The following MINDY4B variants were observed in gnomAD, a reference collection of about 807,000 sequenced individuals.
MINDY4B encodes inactive ubiquitin carboxyl-terminal hydrolase MINDY-4B.
MINDY4B carries 25 observed loss-of-function variants against 16.7 expected under a neutral mutation model. The ratio of observed to expected loss-of-function variants is 1.49; its 90% confidence interval spans 1.09 to 2.09. The LOEUF (loss-of-function observed/expected upper bound fraction) is 2.09. Among genes scored for constraint, MINDY4B ranks in the 30% most tolerant of loss-of-function variants. The probability of loss-of-function intolerance (pLI) is 0.00; values close to 1 mark genes in which losing one functional copy is unlikely to be tolerated. For synonymous variants in MINDY4B, 132 were observed against 61.9 expected (o/e 2.13, Z -5.32); for missense variants, 327 against 168.4 (o/e 1.94, Z -5.21).
chr3:150,890,900 G>T lies in MINDY4B; in HGVS notation c.687+38C>A. 3 of 696,900 alleles carry T rather than the reference G, an allele frequency of 4.3e-6. No individual in the cohort carries two copies. In the South Asian group the frequency reaches 4.5e-5, roughly 10 times the overall value. The allele number at this position is 696,900 out of a possible 1,614,324, so 43.2% of individuals were successfully genotyped here. ...GTCTATTACATGCTCAGGCTTCACTGGCCTTTCATCTGCCAGGACAGGGAG... is the reference window on the plus strand; with the variant it reads ...GTCTATTACATGCTCAGGCTTCACTTGCCTTTCATCTGCCAGGACAGGGAG... On this transcript the variant is annotated intron_variant, in intron 6 of 11. Transcript: ENST00000465419.
intron 8 of MINDY4B, among the ~76,000 whole-genome samples, chr3:150,884,052 T>C (rs1330683675): frequency 6.6e-6 from 1 of 152,198 alleles, no homozygotes; most frequent in Non-Finnish European, 1.5e-5. Flanking sequence ...CTGGACTCAG[T>C]AGAGAAGCTC....
intron 10 of MINDY4B, among the ~76,000 whole-genome samples, chr3:150,881,965 G>A (rs1019537716): frequency 8.5e-5 from 13 of 152,180 alleles, no homozygotes; most frequent in African/African-American, 1.2e-4. Context: ...CATGAAAGGC[G>A]TTTTGAGTGG....
chr3:150,897,855 C>T (rs1712018105), intron 3 of MINDY4B, among the ~76,000 whole-genome samples: 1 of 152,180 alleles, frequency 6.6e-6, no homozygotes, highest in South Asian at 2.1e-4. Flanking sequence ...TTGGTGTGTG[C>T]TATGGTCAAA....
At chr3:150,875,846 TA>T (rs1259572031) in intron 10 of MINDY4B, among the ~76,000 whole-genome samples, 1 of 152,186 alleles carries the variant, frequency 6.6e-6, no homozygotes, top group African/African-American at 2.4e-5. Context: ...ACATCTGGTT[TA>T]AAGTGAGTCC....
chr3:150,882,881 A>C lies in MINDY4B; in HGVS notation c.1059+16T>G, dbSNP rs1300939057. The C allele has an allele frequency of 4.3e-6, 3 of 695,516 alleles. No individual in the cohort carries two copies. The African/African-American group carries it at 5.3e-5, about 12-fold the overall frequency. The allele number at this position is 695,516 out of a possible 1,614,324, so 43.1% of individuals were successfully genotyped here. On this transcript the variant is annotated intron_variant, in intron 10 of 11. Coordinates refer to ENST00000465419, the MANE Select transcript of MINDY4B (RefSeq NM_001351281.2). ...TGACATTCTGGTTGTGTGGTTGAGG[A>C]CTGGAACACACTCACCTGTGAGAGT...
intron 11 of MINDY4B, among the ~76,000 whole-genome samples, chr3:150,872,949 T>C (rs1717003675): frequency 6.6e-6 from 1 of 152,218 alleles, no homozygotes; most frequent in African/African-American, 2.4e-5. Context: ...CTGAAAGTTA[T>C]TGGTTCTTCT....
intron 8 of MINDY4B, among the ~76,000 whole-genome samples, chr3:150,884,538 G>A (rs1370166542): frequency 1.3e-5 from 2 of 152,140 alleles, no homozygotes; most frequent in African/African-American, 4.8e-5. Context: ...TTTATCTTTA[G>A]CGTGGTACAT....
intron 10 of MINDY4B, among the ~76,000 whole-genome samples, chr3:150,880,019 C>A (rs1367496749): frequency 6.6e-6 from 1 of 152,216 alleles, no homozygotes; most frequent in African/African-American, 2.4e-5. Context: ...ATTATAAAGT[C>A]TTATATGTCT....
Position 150,905,358 on chromosome 3 carries a change from C to G in MINDY4B, c.82G>C (p.Asp28His). Reference sequence around the variant, plus strand: ...TAACTAAAGATTTCCCTCCATTTGTCAAGGAATGAAATTTTCCTTGAGATC... The same window carrying G: ...TAACTAAAGATTTCCCTCCATTTGTGAAGGAATGAAATTTTCCTTGAGATC... ...EEISRKISFL[D>H]KWREIFSYHR... is the part of the protein sequence containing the mutation. Residue 28 changes from aspartate (D) to histidine (H), a missense_variant, in exon 1 of 12, where the codon GAC (aspartate) becomes CAC (histidine). Physicochemically the swap from Asp to His is moderately conservative, Grantham distance 81 (BLOSUM62 -1). Transcript: ENST00000465419. The G allele has an allele frequency of 2.5e-6, 1 of 398,500 alleles. No homozygotes were observed. The highest frequency in any genetic ancestry group is 4.4e-6 in the Non-Finnish European group (1 of 225,998). 24.7% of individuals were successfully genotyped at this position (398,500 alleles called of 1,614,324 possible).
At chr3:150,886,838 C>T (rs1280705081) in intron 7 of MINDY4B, among the ~76,000 whole-genome samples, 2 of 152,134 alleles carry the variant, frequency 1.3e-5, no homozygotes, top group Non-Finnish European at 2.9e-5. Flanking sequence ...AGGATAATGT[C>T]CCCCACCCAC....
At chr3:150,871,271 G>C in intron 11 of MINDY4B, 84 bp from the exon 12 acceptor site, 2 of 646,910 alleles carry the variant, frequency 3.1e-6, no homozygotes, top group Non-Finnish European at 5.6e-6. Flanking sequence ...AGAAGGGTGG[G>C]TGGGCAGGAG....
At chr3:150,886,986 T>C (rs1172380724) in intron 7 of MINDY4B, among the ~76,000 whole-genome samples, 1 of 152,230 alleles carries the variant, frequency 6.6e-6, no homozygotes, top group African/African-American at 2.4e-5. Context: ...AAATCCTGTA[T>C]ATATGATGTT....
At chr3:150,889,934 C>T (rs1042218630) in intron 7 of MINDY4B, among the ~76,000 whole-genome samples, 1 of 152,144 alleles carries the variant, frequency 6.6e-6, no homozygotes, top group Non-Finnish European at 1.5e-5. Flanking sequence ...TACTTGGAGT[C>T]AATGTGAATG....
chr3:150,886,334 AT>A (rs1407954587), intron 7 of MINDY4B, among the ~76,000 whole-genome samples: 2 of 152,132 alleles, frequency 1.3e-5, no homozygotes, highest in Admixed American at 6.5e-5. Flanking sequence ...CCCTTTATGG[AT>A]TAATGTATCC....
intron 10 of MINDY4B, among the ~76,000 whole-genome samples, chr3:150,873,850 A>T (rs1409386100): frequency 6.6e-6 from 1 of 152,118 alleles, no homozygotes; most frequent in African/African-American, 2.4e-5. Flanking sequence ...TATTTAAGAT[A>T]TATAAAATAG....
In MINDY4B at chr3:150,891,052, A is replaced by G; in HGVS notation, c.573T>C (p.Leu191=). 1.4e-6 allele frequency: 1 copy of G among 702,848 alleles called. No homozygotes were observed. Among genetic ancestry groups the G allele is most frequent in the Non-Finnish European group, 2.6e-6 (1 of 384,834 alleles). The allele number at this position is 702,848 out of a possible 1,614,324, so 43.5% of individuals were successfully genotyped here. A position where few individuals can be genotyped will look rare whatever the true frequency, so the allele number is the denominator to read the frequency against. Residue 191 remains leucine (L), a synonymous_variant, in exon 6 of 12, where the codon CTT becomes CTC. Transcript: ENST00000465419. ...KEQEQALAAA[L]AGILWAAGAA... ...CTCCTGCAGCCCACAGGATGCCAGC[A>G]AGCGCCGCGGCCAAGGCTTGCTCCT...
intron 10 of MINDY4B, among the ~76,000 whole-genome samples, chr3:150,878,436 A>G (rs749828855): frequency 9.2e-5 from 14 of 152,146 alleles, no homozygotes; most frequent in Non-Finnish European, 1.6e-4. Flanking sequence ...CTTTTTTTAA[A>G]ACCAAACTTC....
At chr3:150,872,660 C>T (rs545939064) in intron 11 of MINDY4B, among the ~76,000 whole-genome samples, 9 of 152,310 alleles carry the variant, frequency 5.9e-5, no homozygotes, top group African/African-American at 1.9e-4. Context: ...AGACCTGTGC[C>T]GCATTCACCA....
Position 150,893,687 on chromosome 3 carries a change from GT to G in MINDY4B, c.430-273del, listed in dbSNP as rs1183369246. ...TTCACCATGTCCCTGCTTCATAGTAGTTTTTTTTTGGGGGGGGGGGTGGGGT... is the reference window on the plus strand; with the variant it reads ...TTCACCATGTCCCTGCTTCATAGTAGTTTTTTTTGGGGGGGGGGGTGGGGT... On this transcript the variant is annotated intron_variant, in intron 4 of 11. Coordinates refer to ENST00000465419, the MANE Select transcript of MINDY4B (RefSeq NM_001351281.2). Among the ~76,000 whole-genome samples, 215 of 64,522 alleles carry G rather than the reference GT, an allele frequency of 3.3e-3. 3 individuals carry two copies. The highest frequency in any genetic ancestry group is 7.6e-3 in the African/African-American group (151 of 19,762). The allele number at this position is 64,522 out of a possible 152,430, so 42.3% of individuals were successfully genotyped here.
Sources: gnomAD v4.1 joint callset for allele counts (sites outside exome capture counted in the v4.1 genomes callset) on GRCh38, gnomAD v4.1.1 for gene constraint, MANE v1.5 for transcripts, NCBI Gene and HGNC (gene_info 2026-07-23, HGNC 2026-07-21) for gene names.